Variants in CCN4 observed in about 807,000 individuals in gnomAD.
CCN4 encodes cellular communication network factor 4, also known as CCN family member 4.
Under a neutral mutation model 36.7 loss-of-function variants are expected in CCN4, and 30 were observed. The observed-to-expected ratio is 0.82, with a 90% CI of 0.61 to 1.11. The LOEUF (loss-of-function observed/expected upper bound fraction) is 1.11, where lower values mean the gene tolerates loss of function less well. Among genes scored for constraint, CCN4 ranks in the 50% least tolerant of loss-of-function variants. CCN4 has a pLI of 0.00. For synonymous variants in CCN4, 191 were observed against 195.4 expected (o/e 0.98, Z 0.19); for missense variants, 505 against 504.9 (o/e 1.00, Z 0.00).
chr8:133,209,225 G>A (rs971270859), intron 1 of CCN4, among the ~76,000 whole-genome samples: 10 of 152,156 alleles, frequency 6.6e-5, no homozygotes, highest in African/African-American at 1.7e-4. Context: ...CGATTATCAC[G>A]AGTCAGGACT....
At chr8:133,220,999 C>T (rs2130610127) in intron 3 of CCN4, among the ~76,000 whole-genome samples, 158 bp downstream of exon 3, 1 of 152,350 alleles carries the variant, frequency 6.6e-6, no homozygotes, top group South Asian at 2.1e-4. Context: ...CCCTATTTCC[C>T]CATCTGTAAA....
At chr8:133,216,669 G>T (rs1011727912) in intron 2 of CCN4, among the ~76,000 whole-genome samples, 6 of 152,176 alleles carry the variant, frequency 3.9e-5, no homozygotes, top group African/African-American at 1.4e-4. Context: ...TTTAAATGAA[G>T]CTGGGTCAGG....
intron 1 of CCN4, among the ~76,000 whole-genome samples, chr8:133,197,580 T>C (rs577575201): frequency 2.0e-4 from 30 of 151,918 alleles, no homozygotes; most frequent in Non-Finnish European, 1.5e-5. Context: ...CTCCTCTCTA[T>C]GAAAGAAGGA....
intron 1 of CCN4, among the ~76,000 whole-genome samples, chr8:133,192,295 C>T (rs569590737): frequency 9.2e-5 from 14 of 152,288 alleles, no homozygotes; most frequent in East Asian, 7.7e-4. Flanking sequence ...GGCCGAGAGC[C>T]GACAGCAAAC....
intron 3 of CCN4, among the ~76,000 whole-genome samples, chr8:133,221,985 AATGG>A (rs375511762): frequency 4.7e-4 from 71 of 150,466 alleles, no homozygotes; most frequent in Non-Finnish European, 7.4e-4. Context: ...TGGATGGATG[AATGG>A]ATGGATGGAT....
intron 1 of CCN4, among the ~76,000 whole-genome samples, chr8:133,192,217 G>A (rs1853140799): frequency 6.6e-6 from 1 of 152,212 alleles, no homozygotes; most frequent in Non-Finnish European, 1.5e-5. Flanking sequence ...TCACAGATAA[G>A]GAAACCGTGT....
At chr8:133,219,668 A>G (rs1447919273) in intron 2 of CCN4, among the ~76,000 whole-genome samples, 1 of 152,232 alleles carries the variant, frequency 6.6e-6, no homozygotes, top group Non-Finnish European at 1.5e-5. Context: ...TACAAAATAT[A>G]GTAATTCTCG....
chr8:133,207,082 C>T (rs1412827509), intron 1 of CCN4, among the ~76,000 whole-genome samples: 2 of 152,196 alleles, frequency 1.3e-5, no homozygotes, highest in African/African-American at 4.8e-5. Context: ...AGTCCTTCTG[C>T]CGTTCCCTGC....
Position 133,227,498 on chromosome 8 carries a change from C to G in CCN4, c.892C>G (p.Pro298Ala). ...CTGCATCAGCACACGCTCCTATCAA[C>G]CCAAGTACTGTGGAGTTTGCATGGA... Reference protein sequence around the residue: ...AGCISTRSYQPKYCGVCMDNR... With the variant: ...AGCISTRSYQAKYCGVCMDNR... The change falls in exon 5 of 5, where the codon CCC becomes GCC. Residue 298 changes from proline to alanine, a missense_variant. Transcript: ENST00000250160. The G allele has an allele frequency of 6.2e-7, 1 of 1,614,194 alleles. No homozygotes were observed.
At chr8:133,224,204 G>T (rs1854637013) in intron 3 of CCN4, among the ~76,000 whole-genome samples, 1 of 139,456 alleles carries the variant, frequency 7.2e-6, no homozygotes, top group Admixed American at 7.6e-5. Flanking sequence ...GAACCCTGGT[G>T]ATTTGAATTT....
At chr8:133,218,365 C>A (rs1854402229) in intron 2 of CCN4, among the ~76,000 whole-genome samples, 1 of 152,170 alleles carries the variant, frequency 6.6e-6, no homozygotes. Flanking sequence ...AAACAATAGC[C>A]GCAGCAAGGT....
chr8:133,213,950 TAG>T (rs374176794), intron 2 of CCN4, among the ~76,000 whole-genome samples: 1 of 1,326 alleles, frequency 7.5e-4, no homozygotes, highest in African/African-American at 1.5e-3. Context: ...CTATATATAG[TAG>T]TTATATATAC....
intron 1 of CCN4, among the ~76,000 whole-genome samples, chr8:133,194,428 T>G (rs1853244497): frequency 2.8e-5 from 2 of 72,386 alleles, no homozygotes; most frequent in Admixed American, 1.6e-4. Context: ...GGTGTGTGTG[T>G]GGTATGTGTG....
intron 2 of CCN4, among the ~76,000 whole-genome samples, chr8:133,217,936 C>CACACACACACGCACACACA (rs1854381190): frequency 6.9e-6 from 1 of 144,526 alleles, no homozygotes; most frequent in Non-Finnish European, 1.5e-5. Context: ...ACTCCCTTCT[C>CACACACACACGCACACACA]CACACACACA....
At chr8:133,214,275 A>C (rs1369069001) in intron 2 of CCN4, among the ~76,000 whole-genome samples, 1 of 56 alleles carries the variant, frequency 0.018, no homozygotes, top group African/African-American at 0.062. Context: ...TTAGCTCCTC[A>C]ATAACCACCT....
chr8:133,195,520 C>T (rs1853346871), intron 1 of CCN4, among the ~76,000 whole-genome samples: 1 of 152,090 alleles, frequency 6.6e-6, no homozygotes, highest in Non-Finnish European at 1.5e-5. Flanking sequence ...ATCCAGGCCC[C>T]ACACCCCCAA....
intron 1 of CCN4, among the ~76,000 whole-genome samples, chr8:133,207,651 G>A (rs1199026616): frequency 6.6e-6 from 1 of 152,174 alleles, no homozygotes; most frequent in Non-Finnish European, 1.5e-5. Context: ...TAGCAGACCT[G>A]CCTTGTGATT....
chr8:133,225,629 A>G, intron 4 of CCN4, 46 bp downstream of exon 4: 1 of 1,477,894 alleles, frequency 6.8e-7, no homozygotes, highest in Non-Finnish European at 9.1e-7. Context: ...CAAGCAGACA[A>G]ATATGGGTTT....
intron 1 of CCN4, among the ~76,000 whole-genome samples, chr8:133,197,530 G>A (rs1237089539): frequency 3.9e-5 from 6 of 151,976 alleles, no homozygotes; most frequent in Non-Finnish European, 7.4e-5. Context: ...CTCCCCCCCA[G>A]CTCTGACATT....
Sources: gnomAD v4.1 joint callset for allele counts (sites outside exome capture counted in the v4.1 genomes callset) on GRCh38, gnomAD v4.1.1 for gene constraint, MANE v1.5 for transcripts, NCBI Gene and HGNC (gene_info 2026-07-23, HGNC 2026-07-21) for gene names.